CACNA2D3: variants seen among roughly 807,000 people sequenced by gnomAD.
CACNA2D3 encodes calcium voltage-gated channel auxiliary subunit alpha2delta 3, also known as voltage-dependent calcium channel subunit alpha-2/delta-3.
In CACNA2D3, 60 loss-of-function variants were observed where a neutral mutation model predicts 160.6. The observed-to-expected ratio is 0.37, with a 90% CI of 0.30 to 0.46. CACNA2D3 has a LOEUF of 0.46. CACNA2D3 is among the 20% of genes least tolerant of loss of function. CACNA2D3 has a pLI of 1.00. For missense variants in CACNA2D3, 1,205 were observed against 1,365.0 expected (o/e 0.88, Z 1.85); for synonymous variants, 558 against 492.9 (o/e 1.13, Z -1.75).
chr3:54,893,847 A>G (rs1700125644), intron 25 of CACNA2D3, among the ~76,000 whole-genome samples: 1 of 152,152 alleles, frequency 6.6e-6, no homozygotes, highest in South Asian at 2.1e-4. Flanking sequence ...CAGTGATGTT[A>G]GCCTTCACAG....
chr3:54,319,214 C>T (rs1040526802), intron 2 of CACNA2D3, among the ~76,000 whole-genome samples: 10 of 146,168 alleles, frequency 6.8e-5, no homozygotes, highest in African/African-American at 2.6e-4. Flanking sequence ...TTCCTCGAGT[C>T]AAGGAGAAAC....
At chr3:54,441,132 A>G (rs1700138410) in intron 4 of CACNA2D3, among the ~76,000 whole-genome samples, 1 of 152,130 alleles carries the variant, frequency 6.6e-6, no homozygotes, top group African/African-American at 2.4e-5. Context: ...ATTTCTCCAC[A>G]TCTTCTCCAG....
Position 54,581,807 on chromosome 3 carries a change from A to G in CACNA2D3, c.893A>G (p.Asn298Ser). The G allele has an allele frequency of 1.9e-6, 3 of 1,613,252 alleles. No homozygotes were observed. Among genetic ancestry groups the G allele is most frequent in the Non-Finnish European group, 2.5e-6 (3 of 1,179,536 alleles). ...CTTGACTTTTTTCCTTTGCAGTATAATGAGGAGCTTCACTATGTGGAACCT... is the reference window on the plus strand; with the variant it reads ...CTTGACTTTTTTCCTTTGCAGTATAGTGAGGAGCTTCACTATGTGGAACCT... The part of the protein sequence containing the change: ...DDDFFNIIAY[N>S]EELHYVEPCL... The change falls in exon 9 of 38, where the codon AAT (asparagine) becomes AGT (serine). Residue 298 changes from asparagine (N) to serine (S), a missense_variant. This residue lies in a region of CACNA2D3 where 911 missense variants were observed against 1,002.2 expected (regional missense o/e 0.91). Transcript: ENST00000474759.
At chr3:54,957,691 C>T (rs1701935373) in intron 27 of CACNA2D3, among the ~76,000 whole-genome samples, 1 of 127,620 alleles carries the variant, frequency 7.8e-6, no homozygotes, top group Non-Finnish European at 1.8e-5. Context: ...TTCCAGGCCC[C>T]ACCCAGTCAG....
chr3:54,302,168 C>T (rs1424826181), intron 2 of CACNA2D3, among the ~76,000 whole-genome samples: 1 of 152,190 alleles, frequency 6.6e-6, no homozygotes, highest in Non-Finnish European at 1.5e-5. Flanking sequence ...TTTAGCGACA[C>T]ATTCTCCTCT....
At chr3:54,344,594 A>G (rs573202256) in intron 3 of CACNA2D3, among the ~76,000 whole-genome samples, 2 of 152,230 alleles carry the variant, frequency 1.3e-5, no homozygotes, top group East Asian at 1.9e-4. Context: ...GACTCACAGG[A>G]CCTGGCTTGA....
intron 17 of CACNA2D3, among the ~76,000 whole-genome samples, chr3:54,851,110 G>A (rs1364501069): frequency 3.3e-5 from 5 of 152,126 alleles, no homozygotes; most frequent in African/African-American, 9.7e-5. Flanking sequence ...TGTTGTTGTT[G>A]GTATTAGTAT....
intron 35 of CACNA2D3, among the ~76,000 whole-genome samples, chr3:55,042,551 C>G (rs964727034): frequency 3.9e-5 from 6 of 152,012 alleles, no homozygotes; most frequent in African/African-American, 1.4e-4. Context: ...TTAAGTTCTC[C>G]TCTTTGAAAC....
chr3:54,559,946 T>C (rs975515638), intron 5 of CACNA2D3, among the ~76,000 whole-genome samples: 2 of 152,258 alleles, frequency 1.3e-5, no homozygotes, highest in Non-Finnish European at 2.9e-5. Context: ...TATGGCTGCA[T>C]AGTATTTCAT....
intron 10 of CACNA2D3, among the ~76,000 whole-genome samples, chr3:54,635,357 T>C: frequency 6.6e-6 from 1 of 151,988 alleles, no homozygotes; most frequent in East Asian, 1.9e-4. Flanking sequence ...AGTGGCGGTT[T>C]GGGGATAGCA....
chr3:54,496,834 G>A (rs1300597030), intron 4 of CACNA2D3, among the ~76,000 whole-genome samples: 1 of 152,080 alleles, frequency 6.6e-6, no homozygotes, highest in African/African-American at 2.4e-5. Context: ...GGTTGAGAAT[G>A]TAGTTTTTAG....
Position 54,522,508 on chromosome 3 carries a change from C to T in CACNA2D3, c.544+18854C>T, listed in dbSNP as rs1324219345. ...TACTTCTTTCTTTCAAATCCAAATGCCATTTCCTGAGTCTATTTTATGTTG... is the reference window on the plus strand; with the variant it reads ...TACTTCTTTCTTTCAAATCCAAATGTCATTTCCTGAGTCTATTTTATGTTG... On this transcript the variant is annotated intron_variant, in intron 5 of 37. Transcript: ENST00000474759. Among the ~76,000 whole-genome samples, 5 of 152,222 alleles carry T rather than the reference C, an allele frequency of 3.3e-5. 1 individual carries two copies. Among genetic ancestry groups the T allele is most frequent in the Admixed American group, 2.0e-4 (3 of 15,284 alleles).
At chr3:54,941,557 C>T (rs1293833662) in intron 27 of CACNA2D3, among the ~76,000 whole-genome samples, 1 of 152,168 alleles carries the variant, frequency 6.6e-6, no homozygotes, top group African/African-American at 2.4e-5. Context: ...ATCTTAACGA[C>T]ATTTGGGTTT....
At position 54,965,051 on chromosome 3, in the gene CACNA2D3, A is replaced by G. The variant is rs1207705108; in HGVS notation, c.2450-3399A>G. ...TTCAATGGCACCAACGGCAGATGTCAGAATACTTTTTCTGTAAAGGACCAA... is the reference window on the plus strand; with the variant it reads ...TTCAATGGCACCAACGGCAGATGTCGGAATACTTTTTCTGTAAAGGACCAA... On this transcript the variant is annotated intron_variant, in intron 27 of 37. Transcript: ENST00000474759. Among the ~76,000 whole-genome samples the G allele has an allele frequency of 2.0e-5, 3 of 152,162 alleles. No individual in the cohort carries two copies. In the East Asian group the frequency reaches 5.8e-4, roughly 29 times the overall value.
At chr3:54,186,087 T>C (rs1700874511) in intron 2 of CACNA2D3, among the ~76,000 whole-genome samples, 2 of 152,132 alleles carry the variant, frequency 1.3e-5, no homozygotes, top group Admixed American at 1.3e-4. Context: ...AACTTTGAGC[T>C]CTTGGAGGGC....
chr3:54,473,059 G>C (rs1034518007), intron 4 of CACNA2D3, among the ~76,000 whole-genome samples: 1 of 152,154 alleles, frequency 6.6e-6, no homozygotes, highest in African/African-American at 2.4e-5. Flanking sequence ...AACCAAAAAA[G>C]AGCCCGTATA....
intron 4 of CACNA2D3, among the ~76,000 whole-genome samples, chr3:54,421,867 C>T (rs555422204): frequency 2.6e-5 from 4 of 152,186 alleles, no homozygotes; most frequent in Non-Finnish European, 5.9e-5. Context: ...GTGCAAGAAG[C>T]ACTGGGATAA....
At chr3:54,421,638 G>T (rs1699837873) in intron 4 of CACNA2D3, among the ~76,000 whole-genome samples, 1 of 152,084 alleles carries the variant, frequency 6.6e-6, no homozygotes, top group African/African-American at 2.4e-5. Flanking sequence ...AGCGGTTGTT[G>T]TCATATTTGC....
chr3:54,377,431 G>T (rs979722418), intron 3 of CACNA2D3, among the ~76,000 whole-genome samples: 2 of 152,182 alleles, frequency 1.3e-5, no homozygotes, highest in African/African-American at 4.8e-5. Context: ...GCCAACCGTG[G>T]GAGGCAGTGA....
Sources: allele counts gnomAD v4.1 joint callset (sites outside exome capture counted in the v4.1 genomes callset), GRCh38; gene constraint gnomAD v4.1.1; regional missense constraint gnomAD v4.1.1; transcripts MANE v1.5; gene names NCBI Gene and HGNC (gene_info 2026-07-23, HGNC 2026-07-21).